GALNTL6: variants seen among roughly 807,000 people sequenced by gnomAD.
GALNTL6 encodes the protein polypeptide N-acetylgalactosaminyltransferase-like 6.
Under a neutral mutation model 73.7 loss-of-function variants are expected in GALNTL6, and 46 were observed. The ratio of observed to expected loss-of-function variants is 0.62; its 90% CI spans 0.49 to 0.80. The LOEUF (loss-of-function observed/expected upper bound fraction) is 0.80. Ranked by LOEUF, GALNTL6 falls within the 30% of genes least tolerant of loss-of-function variation. The probability of loss-of-function intolerance (pLI) is 0.00; values close to 1 mark genes in which losing one functional copy is unlikely to be tolerated. For synonymous variants in GALNTL6, 259 were observed against 263.7 expected, an observed-to-expected ratio of 0.98 and a Z score of 0.17; for missense variants, 604 against 755.0, an observed-to-expected ratio of 0.80 and a Z score of 2.34.
chr4:172,970,503 A>G (rs1185055353), intron 10 of GALNTL6, among the ~76,000 whole-genome samples: 1 of 152,232 alleles, frequency 6.6e-6, no homozygotes, highest in Non-Finnish European at 1.5e-5. Flanking sequence ...AGAAGAATTC[A>G]GCGATATCTC....
intron 2 of GALNTL6, among the ~76,000 whole-genome samples, chr4:172,013,509 A>G (rs930995432): frequency 3.3e-5 from 5 of 152,036 alleles, no homozygotes; most frequent in Non-Finnish European, 7.4e-5. Context: ...TTTTAAGATT[A>G]ACTAGTATAT....
At chr4:172,341,104 G>A (rs989676232) in intron 4 of GALNTL6, among the ~76,000 whole-genome samples, 1 of 152,192 alleles carries the variant, frequency 6.6e-6, no homozygotes, top group African/African-American at 2.4e-5. Flanking sequence ...AGGGGAAATT[G>A]TATCCTGTTT....
chr4:172,266,490 CAATATTTATAACTAGGTT>C (rs1380774335), intron 3 of GALNTL6: 6 of 152,074 alleles, frequency 3.9e-5, no homozygotes, highest in African/African-American at 1.4e-4. Flanking sequence ...ACAAAGTAGA[CAATATTTATAACTAGGTT>C]AAATAATTCT....
Position 172,519,408 on chromosome 4 carries a change from T to C in GALNTL6, c.553+170719T>C, listed in dbSNP as rs572255739. 1.8e-3 allele frequency among the ~76,000 whole-genome samples: 272 copies of C among 151,296 alleles called. 1 individual carries two copies. Among genetic ancestry groups the C allele is most frequent in the Middle Eastern group, 3.4e-3 (1 of 292 alleles). On this transcript the variant is annotated intron_variant, in intron 5 of 12. Transcript: ENST00000506823. ...GCCTTATCTAGTAGTTGACCAACCC[T>C]CTTCACCATCAATATGGACACTTTA...
chr4:172,066,390 C>T (rs1429482921), intron 2 of GALNTL6, among the ~76,000 whole-genome samples: 2 of 152,110 alleles, frequency 1.3e-5, no homozygotes, highest in Non-Finnish European at 2.9e-5. Flanking sequence ...TAGCAATATG[C>T]ATTTATATTT....
intron 5 of GALNTL6, among the ~76,000 whole-genome samples, chr4:172,361,441 C>G (rs980936490): frequency 6.6e-6 from 1 of 151,944 alleles, no homozygotes; most frequent in Non-Finnish European, 1.5e-5. Context: ...ATGTACATAG[C>G]AAAACAAAAA....
intron 5 of GALNTL6, among the ~76,000 whole-genome samples, chr4:172,635,336 T>C (rs1739620446): frequency 6.6e-6 from 1 of 152,168 alleles, no homozygotes; most frequent in African/African-American, 2.4e-5. Flanking sequence ...TATTTTGAAC[T>C]GTCTCAGGTT....
At chr4:172,579,976 A>G (rs1257150847) in intron 5 of GALNTL6, among the ~76,000 whole-genome samples, 2 of 152,216 alleles carry the variant, frequency 1.3e-5, no homozygotes, top group Non-Finnish European at 2.9e-5. Context: ...TCAAATTCGT[A>G]GACATATATG....
chr4:171,982,847 T>C (rs997011613), intron 2 of GALNTL6, among the ~76,000 whole-genome samples: 1 of 152,188 alleles, frequency 6.6e-6, no homozygotes, highest in African/African-American at 2.4e-5. Flanking sequence ...GGGAACTGAG[T>C]CAGGCAAAAA....
intron 2 of GALNTL6, among the ~76,000 whole-genome samples, chr4:172,122,943 A>G (rs1425964017): frequency 2.0e-5 from 3 of 152,256 alleles, no homozygotes; most frequent in African/African-American, 7.2e-5. Flanking sequence ...ACTCTAAAAC[A>G]ATGCCTAGGG....
At chr4:173,022,185 GAGGGAGGA>G (rs1300139921) in intron 12 of GALNTL6, among the ~76,000 whole-genome samples, 4 of 110,368 alleles carry the variant, frequency 3.6e-5, no homozygotes, top group South Asian at 3.3e-4. Flanking sequence ...GAGAGGGAGG[GAGGGAGGA>G]AGGAAGGAAG....
chr4:172,430,329 A>C (rs1403551738), intron 5 of GALNTL6, among the ~76,000 whole-genome samples: 4 of 152,042 alleles, frequency 2.6e-5, no homozygotes, highest in Non-Finnish European at 5.9e-5. Context: ...GAATTCCTTG[A>C]CTACAGTGAA....
rs567902618 is a variant in GALNTL6 at position 172,855,462 on chromosome 4, G to A, written c.924-27328G>A. On this transcript the variant is annotated intron_variant, in intron 7 of 12. Transcript: ENST00000506823. ...ATAAATAGTTCAAATCCTACGGGATGTAATAAAAGTTGTGAGAAGACTACA... is the reference window on the plus strand; with the variant it reads ...ATAAATAGTTCAAATCCTACGGGATATAATAAAAGTTGTGAGAAGACTACA... Among the ~76,000 whole-genome samples, 13 of 152,286 alleles carry A rather than the reference G, an allele frequency of 8.5e-5. No homozygotes were observed. The East Asian group carries it at 2.1e-3, about 25-fold the overall frequency.
chr4:172,764,042 T>C (rs951420115), intron 5 of GALNTL6, among the ~76,000 whole-genome samples: 8 of 147,390 alleles, frequency 5.4e-5, no homozygotes, highest in Non-Finnish European at 1.0e-4. Flanking sequence ...CACAGCAACC[T>C]CCATGTCCTG....
At chr4:172,707,343 A>G (rs1333019525) in intron 5 of GALNTL6, among the ~76,000 whole-genome samples, 1 of 152,220 alleles carries the variant, frequency 6.6e-6, no homozygotes, top group Non-Finnish European at 1.5e-5. Context: ...AAACTACCAC[A>G]AATCAGTAGT....
chr4:172,299,733 C>G (rs1284997579), intron 3 of GALNTL6, among the ~76,000 whole-genome samples: 1 of 152,160 alleles, frequency 6.6e-6, no homozygotes, highest in Non-Finnish European at 1.5e-5. Context: ...GTCTGACAGA[C>G]AGTTTGTTAT....
chr4:172,278,478 G>C (rs896565662), intron 3 of GALNTL6, among the ~76,000 whole-genome samples: 1 of 151,784 alleles, frequency 6.6e-6, no homozygotes, highest in African/African-American at 2.4e-5. Flanking sequence ...TGATTATCCT[G>C]TAAACCTACT....
At chr4:172,545,931 C>T (rs1167977215) in intron 5 of GALNTL6, among the ~76,000 whole-genome samples, 7 of 152,056 alleles carry the variant, frequency 4.6e-5, no homozygotes, top group African/African-American at 1.4e-4. Flanking sequence ...TTAGAATAGG[C>T]TTATTACAAT....
intron 5 of GALNTL6, among the ~76,000 whole-genome samples, chr4:172,808,188 A>T (rs1036411425): frequency 2.6e-4 from 40 of 152,206 alleles, no homozygotes; most frequent in Admixed American, 6.5e-5. Flanking sequence ...CCATTTGTGA[A>T]ACATAGGACA....
Sources: allele counts gnomAD v4.1 joint callset (sites outside exome capture counted in the v4.1 genomes callset), GRCh38; gene constraint gnomAD v4.1.1; transcripts MANE v1.5; gene names NCBI Gene and HGNC (gene_info 2026-07-23, HGNC 2026-07-21).